Variants in ACVR1C observed in about 807,000 individuals in gnomAD.
The protein encoded by ACVR1C is activin receptor type-1C.
Under a neutral mutation model 57.9 loss-of-function variants are expected in ACVR1C, and 23 were observed. That is an observed-to-expected ratio of 0.40 (90% CI 0.29 to 0.56). The LOEUF (loss-of-function observed/expected upper bound fraction) is 0.56. ACVR1C is among the 20% of genes least tolerant of loss of function. ACVR1C has a pLI of 0.50. For synonymous variants in ACVR1C, 214 were observed against 215.3 expected, an observed-to-expected ratio of 0.99 and a Z score of 0.05; for missense variants, 480 against 607.9, an observed-to-expected ratio of 0.79 and a Z score of 2.21.
At position 157,553,377 on chromosome 2, in the gene ACVR1C, T is replaced by C. The variant is rs1261667300; in HGVS notation, c.544+2716A>G. 4.6e-5 allele frequency among the ~76,000 whole-genome samples: 7 copies of C among 150,822 alleles called. 1 individual carries two copies. In the East Asian group the frequency reaches 9.6e-4, roughly 21 times the overall value. On this transcript the variant is annotated intron_variant, in intron 3 of 8. Transcript: ENST00000243349. The stretch of plus-strand genomic sequence containing the variant: ...GATTGGTATTTAAAGAAATCATCCA[T>C]GCTTGGGTACATTTACTACTTTTTT...
intron 2 of ACVR1C, among the ~76,000 whole-genome samples, chr2:157,579,630 A>T (rs1311754784): frequency 1.3e-5 from 2 of 152,122 alleles, no homozygotes; most frequent in Non-Finnish European, 2.9e-5. Flanking sequence ...TTTCTGGTAT[A>T]TGCTCTTTCC....
chr2:157,545,905 G>A (rs1317050564), intron 4 of ACVR1C, among the ~76,000 whole-genome samples: 1 of 152,110 alleles, frequency 6.6e-6, no homozygotes, highest in Non-Finnish European at 1.5e-5. Flanking sequence ...CTCCTGAGTA[G>A]CTGGGATTAC....
intron 1 of ACVR1C, among the ~76,000 whole-genome samples, chr2:157,620,309 G>A (rs931473933): frequency 6.6e-6 from 1 of 151,992 alleles, no homozygotes; most frequent in Non-Finnish European, 1.5e-5. Flanking sequence ...GAATTTAAGT[G>A]AGAACACAAT....
Position 157,622,994 on chromosome 2 carries a change from C to G in ACVR1C, c.73+5578G>C, listed in dbSNP as rs986695088. Among the ~76,000 whole-genome samples, 11 of 152,068 alleles carry G rather than the reference C, an allele frequency of 7.2e-5. No homozygotes were observed. In the East Asian group the frequency reaches 7.7e-4, roughly 11 times the overall value. On this transcript the variant is annotated intron_variant, in intron 1 of 8. Transcript: ENST00000243349. ...CAAAAGATGACATACAAATGGCAAA[C>G]AGCACATGAAAAGGTGCTCAACATC...
Position 157,550,149 on chromosome 2 carries a change from A to G in ACVR1C, c.775+13T>C. 1 of 1,612,198 alleles carries G rather than the reference A, an allele frequency of 6.2e-7. No individual in the cohort carries two copies. The highest frequency in any genetic ancestry group is 2.2e-5 in the East Asian group (1 of 44,874). ...CATTTTTTACTTGTTGAACACAATT[A>G]GATTGGAAATACCTTTGTTGTCAGC... is the stretch of plus-strand genomic sequence containing the variant. On this transcript the variant is annotated intron_variant, in intron 4 of 8. Transcript: ENST00000243349.
At chr2:157,577,294 C>A (rs921963902) in intron 2 of ACVR1C, among the ~76,000 whole-genome samples, 11 of 151,156 alleles carry the variant, frequency 7.3e-5, no homozygotes, top group Non-Finnish European at 1.6e-4. Flanking sequence ...TTGTTTCAAC[C>A]CTGTATATTC....
At chr2:157,591,180 C>A (rs932126361) in intron 1 of ACVR1C, among the ~76,000 whole-genome samples, 14 of 151,838 alleles carry the variant, frequency 9.2e-5, no homozygotes, top group African/African-American at 2.9e-4. Flanking sequence ...TAAAGAAATG[C>A]ATCTCTTTCC....
chr2:157,528,286 G>A lies in ACVR1C; in HGVS notation c.*5632C>T, dbSNP rs6734630. ...AGTGGGTATAAGGGTAATCTCCTAAGGCACTCAGATTCTTAGTGGCCCTAT... is the reference window on the plus strand; with the variant it reads ...AGTGGGTATAAGGGTAATCTCCTAAAGCACTCAGATTCTTAGTGGCCCTAT... On this transcript the variant is annotated 3_prime_UTR_variant, in exon 9 of 9. Coordinates refer to ENST00000243349, the MANE Select transcript of ACVR1C (RefSeq NM_145259.3). 0.81 allele frequency: 122,504 copies of A among 152,046 alleles called. 49,508 individuals are homozygous for A. Among genetic ancestry groups the A allele is most frequent in the East Asian group, 0.9 (4,676 of 5,178 alleles). The allele number at this position is 152,046 out of a possible 1,614,324, so 9.4% of individuals were successfully genotyped here.
intron 5 of ACVR1C, 96 bp downstream of exon 5, chr2:157,544,349 G>T (rs1340571694): frequency 1.6e-5 from 20 of 1,258,814 alleles, no homozygotes; most frequent in East Asian, 2.7e-5. Flanking sequence ...CCAGCCTAAA[G>T]AAATAATAAT....
intron 1 of ACVR1C, among the ~76,000 whole-genome samples, chr2:157,600,359 T>C (rs570957931): frequency 2.6e-5 from 4 of 152,196 alleles, no homozygotes; most frequent in Admixed American, 2.6e-4. Flanking sequence ...ATACAAAAAA[T>C]TAACGACAAA....
chr2:157,604,474 A>G (rs1463667808), intron 1 of ACVR1C, among the ~76,000 whole-genome samples: 1 of 152,064 alleles, frequency 6.6e-6, no homozygotes, highest in Non-Finnish European at 1.5e-5. Context: ...TTATCCATTC[A>G]TCAGTTAAAG....
At position 157,530,487 on chromosome 2, in the gene ACVR1C, G is replaced by T. The variant is rs1411816608; in HGVS notation, c.*3431C>A. On this transcript the variant is annotated 3_prime_UTR_variant, in exon 9 of 9. Coordinates refer to ENST00000243349, the MANE Select transcript of ACVR1C (RefSeq NM_145259.3). Reference sequence around the variant, plus strand: ...GTGGCAAAATTCCAGGAAAATAGGAGTAGTTTTGTTTTGTTTTATTAGTAA... The same window carrying T: ...GTGGCAAAATTCCAGGAAAATAGGATTAGTTTTGTTTTGTTTTATTAGTAA... 6.6e-6 allele frequency: 1 copy of T among 152,082 alleles called. No individual in the cohort carries two copies. The highest frequency in any genetic ancestry group is 1.5e-5 in the Non-Finnish European group (1 of 67,982). The allele number at this position is 152,082 out of a possible 1,614,324, so 9.4% of individuals were successfully genotyped here.
intron 2 of ACVR1C, among the ~76,000 whole-genome samples, chr2:157,566,654 G>A (rs1306208912): frequency 5.9e-5 from 9 of 151,860 alleles, no homozygotes; most frequent in East Asian, 2.0e-4. Flanking sequence ...TTTTCAGACC[G>A]GCTTAAGAAA....
At chr2:157,603,143 T>C (rs1001860417) in intron 1 of ACVR1C, among the ~76,000 whole-genome samples, 3 of 152,196 alleles carry the variant, frequency 2.0e-5, no homozygotes, top group African/African-American at 4.8e-5. Context: ...GCTAGCATAC[T>C]TGAAAGCAGG....
At chr2:157,584,581 C>T (rs542744498) in intron 2 of ACVR1C, among the ~76,000 whole-genome samples, 1 of 152,186 alleles carries the variant, frequency 6.6e-6, no homozygotes, top group East Asian at 1.9e-4. Context: ...ATTAAAAAGA[C>T]TGATTATACC....
At chr2:157,560,598 G>T (rs199688074) in intron 2 of ACVR1C, among the ~76,000 whole-genome samples, 3 of 152,148 alleles carry the variant, frequency 2.0e-5, no homozygotes, top group Non-Finnish European at 2.9e-5. Flanking sequence ...CAACCAATCA[G>T]AACTCAGCTG....
rs1168722925 is a variant in ACVR1C at position 157,533,311 on chromosome 2, T to C, written c.*607A>G. On this transcript the variant is annotated 3_prime_UTR_variant, in exon 9 of 9. Transcript: ENST00000243349. ...TTTAGTGGTTCAGGGACTGCTGCAG[T>C]AGTGGATTATGAAGAACAGGAGAAC... is the stretch of plus-strand genomic sequence containing the variant. 2 of 152,230 alleles carry C rather than the reference T, an allele frequency of 1.3e-5. No homozygotes were observed. Among genetic ancestry groups the C allele is most frequent in the Admixed American group, 6.6e-5 (1 of 15,258 alleles). The allele number at this position is 152,230 out of a possible 1,614,324, so 9.4% of individuals were successfully genotyped here.
At chr2:157,624,112 A>G (rs1054114657) in intron 1 of ACVR1C, among the ~76,000 whole-genome samples, 1 of 152,190 alleles carries the variant, frequency 6.6e-6, no homozygotes, top group Non-Finnish European at 1.5e-5. Flanking sequence ...AGGACACTAC[A>G]GATCTCAAAT....
intron 1 of ACVR1C, among the ~76,000 whole-genome samples, chr2:157,606,357 GT>G (rs202185113): frequency 1.3e-5 from 2 of 151,752 alleles, no homozygotes; most frequent in African/African-American, 4.8e-5. Context: ...TCTAATTTTA[GT>G]TTTTTAAGGA....
Sources: allele counts gnomAD v4.1 joint callset (sites outside exome capture counted in the v4.1 genomes callset), GRCh38; gene constraint gnomAD v4.1.1; transcripts MANE v1.5; gene names NCBI Gene and HGNC (gene_info 2026-07-23, HGNC 2026-07-21).